Variants in RBFOX1 observed in about 807,000 individuals in gnomAD.
RBFOX1 encodes RNA binding fox-1 homolog 1, also known as RNA binding protein fox-1 homolog 1.
In RBFOX1, 8 loss-of-function variants were observed where a neutral mutation model predicts 57.7. The observed-to-expected ratio is 0.14, with a 90% CI of 0.08 to 0.25. RBFOX1 has a LOEUF of 0.25. Among genes scored for constraint, RBFOX1 ranks in the 10% least tolerant of loss-of-function variants. The pLI is 1.00. For synonymous variants in RBFOX1, 326 were observed against 222.4 expected, an observed-to-expected ratio of 1.47 and a Z score of -4.15; for missense variants, 611 against 548.5, an observed-to-expected ratio of 1.11 and a Z score of -1.14.
intron 3 of RBFOX1, among the ~76,000 whole-genome samples, chr16:7,038,437 A>G (rs1187847956): frequency 6.6e-6 from 1 of 152,224 alleles, no homozygotes; most frequent in African/African-American, 2.4e-5. Context: ...GCCTTGGTTC[A>G]CAAAATACCT....
At chr16:5,930,076 G>A (rs1013351604) in intron 4 of RBFOX1, among the ~76,000 whole-genome samples, 9 of 151,934 alleles carry the variant, frequency 5.9e-5, no homozygotes, top group East Asian at 3.9e-4. Context: ...TGGGGGCTGG[G>A]AGGGGGTTTG....
intron 4 of RBFOX1, among the ~76,000 whole-genome samples, chr16:7,299,998 T>A (rs1218861692): frequency 6.6e-6 from 1 of 152,178 alleles, no homozygotes; most frequent in East Asian, 1.9e-4. Flanking sequence ...GCTTATGCAA[T>A]AAGATTGGAA....
chr16:5,582,970 C>T (rs991422716), intron 2 of RBFOX1, among the ~76,000 whole-genome samples: 4 of 152,124 alleles, frequency 2.6e-5, no homozygotes, highest in African/African-American at 7.2e-5. Flanking sequence ...TATTGTGAGA[C>T]CTTTACAGAC....
intron 3 of RBFOX1, among the ~76,000 whole-genome samples, chr16:5,687,354 C>G (rs1048289014): frequency 6.6e-6 from 1 of 152,048 alleles, no homozygotes; most frequent in Non-Finnish European, 1.5e-5. Flanking sequence ...CTTACCACTC[C>G]CTCCCCACCA....
intron 1 of RBFOX1, among the ~76,000 whole-genome samples, chr16:6,254,856 G>A (rs143177471): frequency 2.6e-5 from 4 of 151,900 alleles, no homozygotes; most frequent in African/African-American, 9.7e-5. Context: ...CTGTTCTCTG[G>A]GATTTACATG....
Position 7,518,186 on chromosome 16 carries a change from C to G in RBFOX1, c.67C>G (p.Gln23Glu). ...EAAAAPDTMA[Q>E]PYASAQFAPP... ...AGCCGCTGCCCCTGACACAATGGCT[C>G]AGCCTTACGCTTCGGCCCAGTTTGC... is the stretch of plus-strand genomic sequence containing the variant. Residue 23 changes from glutamine (Q) to glutamate (E), a missense_variant, in exon 5 of 16, where the codon CAG becomes GAG. Gln to Glu is a conservative substitution (Grantham distance 29). Transcript: ENST00000550418. 6.2e-7 allele frequency: 1 copy of G among 1,613,866 alleles called. No homozygotes were observed. Among genetic ancestry groups the G allele is most frequent in the Non-Finnish European group, 8.5e-7 (1 of 1,179,846 alleles).
At chr16:5,859,880 G>A (rs2057166300) in intron 3 of RBFOX1, among the ~76,000 whole-genome samples, 1 of 152,208 alleles carries the variant, frequency 6.6e-6, no homozygotes, top group Admixed American at 6.5e-5. Flanking sequence ...CGCCTGCTGG[G>A]CATGAGTTGA....
At chr16:5,930,366 G>A (rs942065532) in intron 4 of RBFOX1, among the ~76,000 whole-genome samples, 52 of 135,024 alleles carry the variant, frequency 3.9e-4, no homozygotes, top group African/African-American at 1.4e-3. Flanking sequence ...GGATGGGAGG[G>A]TGGATGGATG....
chr16:6,058,382 C>G (rs540342716), intron 1 of RBFOX1, among the ~76,000 whole-genome samples: 1 of 151,514 alleles, frequency 6.6e-6, no homozygotes, highest in African/African-American at 2.4e-5. Context: ...TGTTAAAGAT[C>G]CAACCTTTGC....
At chr16:7,421,309 T>C (rs2098540658) in intron 4 of RBFOX1, among the ~76,000 whole-genome samples, 1 of 152,216 alleles carries the variant, frequency 6.6e-6, no homozygotes, top group African/African-American at 2.4e-5. Context: ...TTGTTTCTGA[T>C]TTTATCTAAG....
At chr16:5,449,623 T>C (rs1250578750) in intron 1 of RBFOX1, among the ~76,000 whole-genome samples, 1 of 152,136 alleles carries the variant, frequency 6.6e-6, no homozygotes, top group African/African-American at 2.4e-5. Context: ...CTAGCTTTGT[T>C]TTTTGAGACA....
chr16:6,445,030 T>A (rs554148712), intron 2 of RBFOX1, among the ~76,000 whole-genome samples: 5 of 151,916 alleles, frequency 3.3e-5, no homozygotes, highest in Non-Finnish European at 7.4e-5. Flanking sequence ...CAGGAGATGA[T>A]GAGACCCTGT....
At chr16:6,358,804 A>T (rs1230369619) in intron 2 of RBFOX1, among the ~76,000 whole-genome samples, 7 of 152,166 alleles carry the variant, frequency 4.6e-5, no homozygotes. Flanking sequence ...GTGAATTTAG[A>T]GAAGAGTGGT....
At position 7,485,277 on chromosome 16, in the gene RBFOX1, C is replaced by G. The variant is rs146301275; in HGVS notation, c.28-32870C>G. 1.8e-4 allele frequency among the ~76,000 whole-genome samples: 27 copies of G among 152,300 alleles called. No homozygotes were observed. In the East Asian group the frequency reaches 5.0e-3, roughly 28 times the overall value. On this transcript the variant is annotated intron_variant, in intron 4 of 15. Coordinates refer to ENST00000550418, the MANE Select transcript of RBFOX1 (RefSeq NM_018723.4). ...CTGCACCCTCGCGTGTTGCTTTTCC[C>G]TCATGTTTCCAGGCAGACCACGCAG...
intron 3 of RBFOX1, among the ~76,000 whole-genome samples, chr16:6,938,786 G>C (rs137934504): frequency 6.6e-6 from 1 of 152,118 alleles, no homozygotes; most frequent in African/African-American, 2.4e-5. Flanking sequence ...CCAAAAATTA[G>C]CTGGGTGTGG....
chr16:5,378,912 G>A lies in RBFOX1; in HGVS notation c.220-88304G>A, dbSNP rs1024700531. On this transcript the variant is annotated intron_variant, in intron 1 of 2. Coordinates refer to the RBFOX1 transcript ENST00000585867. ...CTGTATACATAGAGAGATTTCAAGGGCTTGGGATGACCTTTTCTCCACTGA... is the reference window on the plus strand; with the variant it reads ...CTGTATACATAGAGAGATTTCAAGGACTTGGGATGACCTTTTCTCCACTGA... Among the ~76,000 whole-genome samples, 10 of 151,494 alleles carry A rather than the reference G, an allele frequency of 6.6e-5. 1 individual carries two copies. The highest frequency in any genetic ancestry group is 2.5e-4 in the African/African-American group (10 of 40,796).
chr16:7,392,526 G>T (rs1055387068), intron 4 of RBFOX1, among the ~76,000 whole-genome samples: 8 of 152,064 alleles, frequency 5.3e-5, no homozygotes, highest in Admixed American at 4.6e-4. Flanking sequence ...AGATATTTAG[G>T]GTCAAGGAAG....
chr16:6,464,569 C>G (rs1007586726), intron 2 of RBFOX1, among the ~76,000 whole-genome samples: 1 of 152,084 alleles, frequency 6.6e-6, no homozygotes, highest in Non-Finnish European at 1.5e-5. Context: ...GAAGAAAGGA[C>G]AATTATACCT....
intron 1 of RBFOX1, among the ~76,000 whole-genome samples, chr16:6,062,458 C>A (rs911698157): frequency 6.6e-6 from 1 of 151,886 alleles, no homozygotes. Flanking sequence ...TTTGGAGATC[C>A]CAATGGTTTT....
Sources: gnomAD v4.1 joint callset for allele counts (sites outside exome capture counted in the v4.1 genomes callset) on GRCh38, gnomAD v4.1.1 for gene constraint, MANE v1.5 for transcripts, NCBI Gene and HGNC (gene_info 2026-07-23, HGNC 2026-07-21) for gene names.